Variants in CCDC149 observed in about 807,000 individuals in gnomAD.
CCDC149 encodes the protein coiled-coil domain-containing protein 149.
Under a neutral mutation model 59.9 loss-of-function variants are expected in CCDC149, and 45 were observed. The ratio of observed to expected loss-of-function variants is 0.75; its 90% CI spans 0.59 to 0.96. CCDC149 has a LOEUF of 0.96. Ranked by LOEUF, CCDC149 falls within the 40% of genes least tolerant of loss-of-function variation. CCDC149 has a pLI of 0.00. For synonymous variants in CCDC149, 245 were observed against 260.6 expected (o/e 0.94, Z 0.58); for missense variants, 584 against 664.7 (o/e 0.88, Z 1.33).
chr4:24,945,924 C>T (rs1428858840), intron 1 of CCDC149, among the ~76,000 whole-genome samples: 1 of 152,140 alleles, frequency 6.6e-6, no homozygotes, highest in Non-Finnish European at 1.5e-5. Flanking sequence ...CCTGGCAGCC[C>T]TAACAAACTA....
At chr4:24,943,521 C>A (rs540303035) in intron 1 of CCDC149, among the ~76,000 whole-genome samples, 1 of 152,272 alleles carries the variant, frequency 6.6e-6, no homozygotes, top group African/African-American at 2.4e-5. Flanking sequence ...GACTTCATGT[C>A]TAAAACACCA....
chr4:24,911,189 T>C (rs11945578), intron 1 of CCDC149, among the ~76,000 whole-genome samples: 142,149 of 152,296 alleles, frequency 0.93, 66,885 homozygotes, highest in Non-Finnish European at 1. Context: ...TGAGGAAGCC[T>C]ATTGTTACAA....
Position 24,928,237 on chromosome 4 carries a change from C to T in CCDC149, c.-64-33119G>A, listed in dbSNP as rs115173996. On this transcript the variant is annotated intron_variant, in intron 1 of 12. Transcript: ENST00000389609. ...GAAGGAAAACACTATTCAGGGATTA[C>T]TGTGTGCAAAGCAACATGCTCGGTA... 4.1e-3 allele frequency among the ~76,000 whole-genome samples: 629 copies of T among 152,298 alleles called. 2 individuals carry two copies. The highest frequency in any genetic ancestry group is 6.5e-3 in the Non-Finnish European group (445 of 68,034).
At chr4:24,942,740 T>G (rs1233429336) in intron 1 of CCDC149, among the ~76,000 whole-genome samples, 1 of 152,108 alleles carries the variant, frequency 6.6e-6, no homozygotes, top group Non-Finnish European at 1.5e-5. Flanking sequence ...AAAAGCATTC[T>G]TATACACCAA....
chr4:24,908,101 T>C (rs1490867625), intron 1 of CCDC149, among the ~76,000 whole-genome samples: 1 of 152,156 alleles, frequency 6.6e-6, no homozygotes, highest in Non-Finnish European at 1.5e-5. Flanking sequence ...AAGACCCTAC[T>C]TCCAAATAAG....
intron 1 of CCDC149, among the ~76,000 whole-genome samples, chr4:24,943,506 G>A (rs913206147): frequency 6.6e-6 from 1 of 152,082 alleles, no homozygotes. Flanking sequence ...ATAGGCATGG[G>A]CAGGGACTTC....
chr4:24,965,813 G>A (rs918271880), intron 1 of CCDC149, among the ~76,000 whole-genome samples: 6 of 152,182 alleles, frequency 3.9e-5, no homozygotes, highest in South Asian at 2.1e-4. Flanking sequence ...AGGCCGAAGC[G>A]GCCTTCTGAC....
intron 1 of CCDC149, among the ~76,000 whole-genome samples, chr4:24,888,352 AT>A (rs908586982): frequency 1.3e-5 from 2 of 151,980 alleles, no homozygotes; most frequent in African/African-American, 4.8e-5. Context: ...TCTAAATCTC[AT>A]TTAGCATCAT....
chr4:24,849,857 C>T (rs541723367), intron 4 of CCDC149, among the ~76,000 whole-genome samples: 4 of 152,166 alleles, frequency 2.6e-5, no homozygotes, highest in Admixed American at 2.0e-4. Context: ...CAGAGTTAGG[C>T]GTCCAAAAAC....
chr4:24,901,984 C>T lies in CCDC149; in HGVS notation c.63+10833G>A, dbSNP rs149449455. On this transcript the variant is annotated intron_variant, in intron 1 of 12. Coordinates refer to ENST00000635206, the MANE Select transcript of CCDC149 (RefSeq NM_001330643.2). The stretch of plus-strand genomic sequence containing the variant: ...CATCCAAGCATTCATATATTCTACA[C>T]GTATTGAGCACCTGCAATGGGCAAA... Among the ~76,000 whole-genome samples the T allele has an allele frequency of 2.8e-3, 433 of 152,292 alleles. 3 individuals carry two copies. Among genetic ancestry groups the T allele is most frequent in the Middle Eastern group, 6.8e-3 (2 of 294 alleles).
intron 12 of CCDC149, among the ~76,000 whole-genome samples, chr4:24,814,507 C>T (rs1369038004): frequency 6.6e-6 from 1 of 152,190 alleles, no homozygotes; most frequent in Non-Finnish European, 1.5e-5. Flanking sequence ...CTTCGCTACC[C>T]AAAGTGTGGT....
At chr4:24,967,957 T>C (rs1180015030) in intron 1 of CCDC149, among the ~76,000 whole-genome samples, 1 of 152,116 alleles carries the variant, frequency 6.6e-6, no homozygotes, top group Admixed American at 6.6e-5. Flanking sequence ...TGCAAACTTT[T>C]TTGGGCCTCC....
At chr4:24,870,504 C>T (rs578078888) in intron 3 of CCDC149, among the ~76,000 whole-genome samples, 15 of 152,328 alleles carry the variant, frequency 9.8e-5, no homozygotes, top group African/African-American at 3.6e-4. Flanking sequence ...AGAGCCCAAG[C>T]TTCCACCACT....
At chr4:24,939,980 T>G (rs1436683891) in intron 1 of CCDC149, among the ~76,000 whole-genome samples, 1 of 152,202 alleles carries the variant, frequency 6.6e-6, no homozygotes, top group Non-Finnish European at 1.5e-5. Flanking sequence ...TGCAGGATAT[T>G]ATCCAGGAGA....
intron 12 of CCDC149, among the ~76,000 whole-genome samples, chr4:24,813,227 A>C (rs1714747306): frequency 6.6e-6 from 1 of 152,142 alleles, no homozygotes; most frequent in Non-Finnish European, 1.5e-5. Flanking sequence ...AACAGGAAGA[A>C]GGCCCTCCTG....
chr4:24,813,954 T>C (rs555013961), intron 12 of CCDC149, among the ~76,000 whole-genome samples: 16 of 152,334 alleles, frequency 1.1e-4, no homozygotes, highest in African/African-American at 3.6e-4. Context: ...AAGAGGACTG[T>C]GGGTTTCAGC....
At chr4:24,922,233 C>T (rs1387531342) in intron 1 of CCDC149, among the ~76,000 whole-genome samples, 1 of 152,160 alleles carries the variant, frequency 6.6e-6, no homozygotes, top group Non-Finnish European at 1.5e-5. Context: ...CCAGCCCTTA[C>T]AGCAACTTTC....
chr4:24,812,418 G>A lies in CCDC149; in HGVS notation c.1193-3599C>T, dbSNP rs891842682. ...TGAGTACAGCTCCCAGATCTATATC[G>A]ATGGCTCTGCTCGCTTCTTGTAGAA... On this transcript the variant is annotated intron_variant, in intron 12 of 12. Coordinates refer to ENST00000635206, the MANE Select transcript of CCDC149 (RefSeq NM_001330643.2). Among the ~76,000 whole-genome samples the A allele has an allele frequency of 6.6e-5, 10 of 152,088 alleles. No individual in the cohort carries two copies. The East Asian group carries it at 1.2e-3, about 18-fold the overall frequency.
chr4:24,849,406 G>T (rs1377541231), intron 4 of CCDC149, among the ~76,000 whole-genome samples: 1 of 152,140 alleles, frequency 6.6e-6, no homozygotes, highest in Non-Finnish European at 1.5e-5. Flanking sequence ...ATCTGGTTTG[G>T]CTTGGAAGTT....
Sources: allele counts gnomAD v4.1 joint callset (sites outside exome capture counted in the v4.1 genomes callset), GRCh38; gene constraint gnomAD v4.1.1; transcripts MANE v1.5; gene names NCBI Gene and HGNC (gene_info 2026-07-23, HGNC 2026-07-21).